The following GCH1 variants were observed in gnomAD, a reference collection of about 807,000 sequenced individuals.
GCH1 encodes the protein GTP cyclohydrolase 1, also known as GTP cyclohydrolase I.
GCH1 carries 5 observed loss-of-function variants against 25.9 expected under a neutral mutation model. The observed-to-expected ratio is 0.19, with a 90% CI of 0.10 to 0.41. The LOEUF (loss-of-function observed/expected upper bound fraction) is 0.41. Among genes scored for constraint, GCH1 ranks in the 10% least tolerant of loss-of-function variants. The pLI is 1.00. For synonymous variants in GCH1, 159 were observed against 129.6 expected, an observed-to-expected ratio of 1.23 and a Z score of -1.54; for missense variants, 261 against 336.5, an observed-to-expected ratio of 0.78 and a Z score of 1.75.
At chr14:54,901,177 T>C (rs1361184203) in intron 1 of GCH1, among the ~76,000 whole-genome samples, 2 of 151,302 alleles carry the variant, frequency 1.3e-5, no homozygotes, top group African/African-American at 4.9e-5. Flanking sequence ...TTTGGTGGAA[T>C]CGCTCTACAC....
At position 54,843,160 on chromosome 14, in the gene GCH1, TCACA is replaced by T. The variant is rs2039586226; in HGVS notation, c.*853_*856del. 1 of 1,513,910 alleles carries T rather than the reference TCACA, an allele frequency of 6.6e-7. No homozygotes were observed. The highest frequency in any genetic ancestry group is 1.3e-5 in the South Asian group (1 of 78,238). 93.8% of individuals were successfully genotyped at this position (1,513,910 alleles called of 1,614,324 possible). A position where few individuals can be genotyped will look rare whatever the true frequency, so the allele number is the denominator to read the frequency against. On this transcript the variant is annotated 3_prime_UTR_variant, in exon 6 of 6. Coordinates refer to ENST00000491895, the MANE Select transcript of GCH1 (RefSeq NM_000161.3). Reference sequence around the variant, plus strand: ...AAACATTTTGAGGCATCTACATGGATCACACAAAGGAAACTCAATAAACCTATAA... The same window carrying T: ...AAACATTTTGAGGCATCTACATGGATCAAAGGAAACTCAATAAACCTATAA...
At chr14:54,867,630 C>T (rs953262076) in intron 1 of GCH1, among the ~76,000 whole-genome samples, 9 of 143,880 alleles carry the variant, frequency 6.3e-5, no homozygotes, top group South Asian at 2.4e-4. Flanking sequence ...GGCTCCATCA[C>T]TTACTAGTTA....
At chr14:54,862,009 T>C (rs188843677) in intron 2 of GCH1, among the ~76,000 whole-genome samples, 1 of 152,278 alleles carries the variant, frequency 6.6e-6, no homozygotes, top group East Asian at 1.9e-4. Context: ...ATGTGATGTA[T>C]CTGGGTTTTC....
At chr14:54,850,907 TTTGCTA>T (rs1447712847) in intron 3 of GCH1, among the ~76,000 whole-genome samples, 2 of 152,208 alleles carry the variant, frequency 1.3e-5, no homozygotes, top group Non-Finnish European at 2.9e-5. Flanking sequence ...GTTCCAAGTC[TTTGCTA>T]TTGTGAATAG....
chr14:54,859,188 G>A (rs919908582), intron 3 of GCH1: 2 of 170,898 alleles, frequency 1.2e-5, no homozygotes, highest in Non-Finnish European at 2.5e-5. Flanking sequence ...GATCCCACAG[G>A]GAAGTTTCAT....
chr14:54,845,019 G>T (rs141998681), intron 5 of GCH1, among the ~76,000 whole-genome samples: 2 of 151,580 alleles, frequency 1.3e-5, no homozygotes, highest in Non-Finnish European at 2.9e-5. Flanking sequence ...TACTAAATAC[G>T]AAAATTAGCT....
chr14:54,902,283 G>T, intron 1 of GCH1, 38 bp downstream of exon 1: 2 of 1,601,692 alleles, frequency 1.2e-6, no homozygotes, highest in Non-Finnish European at 1.7e-6. Flanking sequence ...CACCGCCCCC[G>T]CCGCCCGCAC....
chr14:54,889,032 G>C (rs760514825), intron 1 of GCH1, among the ~76,000 whole-genome samples: 1 of 152,164 alleles, frequency 6.6e-6, no homozygotes, highest in Non-Finnish European at 1.5e-5. Flanking sequence ...GAAAGGACAC[G>C]CAGCATGGGA....
chr14:54,901,629 G>A (rs2040567222), intron 1 of GCH1, among the ~76,000 whole-genome samples: 2 of 152,148 alleles, frequency 1.3e-5, no homozygotes, highest in Non-Finnish European at 2.9e-5. Flanking sequence ...TTTTTGCGGG[G>A]TTGGGGGTGG....
chr14:54,855,012 CA>C (rs200694373), intron 3 of GCH1, among the ~76,000 whole-genome samples: 2,304 of 152,264 alleles, frequency 0.015, 35 homozygotes, highest in South Asian at 0.048. Context: ...ATTCAAAGCA[CA>C]CAAAGATAAT....
At chr14:54,881,259 A>G (rs2040268664) in intron 1 of GCH1, among the ~76,000 whole-genome samples, 1 of 152,126 alleles carries the variant, frequency 6.6e-6, no homozygotes, top group Non-Finnish European at 1.5e-5. Flanking sequence ...CTATAGGAGG[A>G]GGGCAAGGAG....
intron 2 of GCH1, among the ~76,000 whole-genome samples, chr14:54,860,686 G>C (rs1217422609): frequency 6.6e-6 from 1 of 151,934 alleles, no homozygotes; most frequent in Non-Finnish European, 1.5e-5. Flanking sequence ...GACTACAGGC[G>C]CCTGCCACCA....
At position 54,902,439 on chromosome 14, in the gene GCH1, G is replaced by A. The variant is rs961694546; in HGVS notation, c.225C>T (p.Tyr75=). The stretch of plus-strand genomic sequence containing the variant: ...CGCCCAGCGAGCTCAGGATGGACGA[G>A]TAGGCGGCTGCCAGGTTAGGGAGGT... ...ELNLPNLAAA[Y]SSILSSLGEN... is the part of the protein sequence containing the mutation. Residue 75 remains tyrosine, a synonymous_variant, in exon 1 of 6, where the codon TAC becomes TAT. Coordinates refer to ENST00000491895, the MANE Select transcript of GCH1 (RefSeq NM_000161.3). 8.1e-6 allele frequency: 13 copies of A among 1,612,846 alleles called. No individual in the cohort carries two copies. In the African/African-American group the frequency reaches 1.5e-4, roughly 18 times the overall value.
intron 1 of GCH1, among the ~76,000 whole-genome samples, chr14:54,897,923 G>A (rs544774927): frequency 1.3e-5 from 2 of 152,296 alleles, no homozygotes; most frequent in East Asian, 1.9e-4. Context: ...GTTTCATATC[G>A]CAAACACTGA....
chr14:54,843,041 AT>A lies in GCH1; in HGVS notation c.*975del, dbSNP rs773983177. ...GTGCTCGTTCAGGTGCGTGGAAGCT[AT>A]GGTTCTGCAGACCTGAAAATGATGG... On this transcript the variant is annotated 3_prime_UTR_variant, in exon 6 of 6. Transcript: ENST00000491895. The A allele has an allele frequency of 1.7e-5, 16 of 938,134 alleles. No homozygotes were observed. The highest frequency in any genetic ancestry group is 1.8e-6 in the Non-Finnish European group (1 of 563,686). The allele number at this position is 938,134 out of a possible 1,614,324, so 58.1% of individuals were successfully genotyped here.
intron 1 of GCH1, among the ~76,000 whole-genome samples, chr14:54,899,181 C>A (rs2040527287): frequency 6.6e-6 from 1 of 152,092 alleles, no homozygotes; most frequent in Non-Finnish European, 1.5e-5. Context: ...CTTAAATGGG[C>A]TGGGTATGGT....
At chr14:54,852,383 G>A (rs777527163) in intron 3 of GCH1, among the ~76,000 whole-genome samples, 6 of 152,200 alleles carry the variant, frequency 3.9e-5, no homozygotes, top group African/African-American at 7.2e-5. Flanking sequence ...TCAAGTGGCT[G>A]GAGCTTTTCC....
intron 1 of GCH1, chr14:54,885,528 C>T: frequency 2.9e-6 from 1 of 339,440 alleles, no homozygotes; most frequent in Non-Finnish European, 5.7e-6. Flanking sequence ...CACCTGGCTT[C>T]TGATACAAGC....
chr14:54,898,670 A>G (rs961495309), intron 1 of GCH1, among the ~76,000 whole-genome samples: 1 of 152,178 alleles, frequency 6.6e-6, no homozygotes, highest in African/African-American at 2.4e-5. Flanking sequence ...ACCAGGCTGC[A>G]GTGCATTGGT....
Sources: gnomAD v4.1 joint callset for allele counts (sites outside exome capture counted in the v4.1 genomes callset) on GRCh38, gnomAD v4.1.1 for gene constraint, MANE v1.5 for transcripts, NCBI Gene and HGNC (gene_info 2026-07-23, HGNC 2026-07-21) for gene names.